The following SEMA4G variants were observed in gnomAD, a reference collection of about 807,000 sequenced individuals.
SEMA4G encodes the protein semaphorin-4G.
In SEMA4G, 59 loss-of-function variants were observed where a neutral mutation model predicts 81.2. The ratio of observed to expected loss-of-function variants is 0.73; its 90% CI spans 0.59 to 0.90. The LOEUF is 0.90. Ranked by LOEUF, SEMA4G falls within the 40% of genes least tolerant of loss-of-function variation. The pLI is 0.00. For synonymous variants in SEMA4G, 404 were observed against 433.9 expected (o/e 0.93, Z 0.86); for missense variants, 952 against 1,102.3 (o/e 0.86, Z 1.93).
At chr10:100,969,616 G>A, upstream of SEMA4G, 1 of 294,280 alleles carries the variant, frequency 3.4e-6, no homozygotes, top group East Asian at 1.1e-4. Flanking sequence ...GAGTGCGGGC[G>A]GCGCCCTGGC....
chr10:100,984,594 C>G, exon 14 of SEMA4G: 1 of 1,536,208 alleles, frequency 6.5e-7, no homozygotes, highest in East Asian at 2.4e-5. Context: ...GCCACCTAAG[C>G]CCTGCGTACA....
rs1297589742 is a variant in SEMA4G, at chr10:100,973,373, C to A, written c.273+96C>A. 2 of 1,505,420 alleles carry A rather than the reference C, an allele frequency of 1.3e-6. No individual in the cohort carries two copies. Among genetic ancestry groups the A allele is most frequent in the Non-Finnish European group, 1.8e-6 (2 of 1,105,684 alleles). 93.3% of individuals were successfully genotyped at this position (1,505,420 alleles called of 1,614,324 possible). A position where few individuals can be genotyped will look rare whatever the true frequency, so the allele number is the denominator to read the frequency against. Reference sequence around the variant, plus strand: ...TTAAAACCCTGCCAGCCTTCCATAGCCCCCTGGTCAGACAGCACTGCCCTT... The same window carrying A: ...TTAAAACCCTGCCAGCCTTCCATAGACCCCTGGTCAGACAGCACTGCCCTT... On this transcript the variant is annotated intron_variant, in intron 2 of 13. Transcript: ENST00000370250. This position sits in a 1 kb window ranked among gnomAD's most constrained non-coding sequence, Gnocchi z 5.5.
At chr10:100,978,755 T>C in intron 6 of SEMA4G, 94 bp from the exon 8 acceptor site, 1 of 1,563,756 alleles carries the variant, frequency 6.4e-7, no homozygotes, top group South Asian at 1.2e-5. Flanking sequence ...GTCCATTCCA[T>C]TCCTGTGTGT....
Position 100,973,897 on chromosome 10 carries a change from G to A in SEMA4G, c.336+288G>A, listed in dbSNP as rs1398337325. Among the ~76,000 whole-genome samples, 1 of 151,924 alleles carries A rather than the reference G, an allele frequency of 6.6e-6. No individual in the cohort carries two copies. The highest frequency in any genetic ancestry group is 2.4e-5 in the African/African-American group (1 of 41,362). ...GGGCTCAGGGGATCCTTCCACTTCA[G>A]CCTCCTGAGTAGCTAGGACCACGGG... On this transcript the variant is annotated intron_variant, in intron 3 of 13. Coordinates refer to ENST00000370250, the Ensembl canonical transcript of SEMA4G. The surrounding 1 kb of genome is among the most constrained non-coding windows in gnomAD (Gnocchi z 5.5).
At chr10:100,979,384 G>T (rs370502931) in intron 8 of SEMA4G, 113 bp downstream of exon 9, 2 of 1,585,208 alleles carry the variant, frequency 1.3e-6, no homozygotes, top group African/African-American at 1.4e-5. Flanking sequence ...TGCAAAGTGA[G>T]AATTTTTTTT....
At chr10:100,977,723 C>T in exon 4 of SEMA4G, 1 of 1,613,124 alleles carries the variant, frequency 6.2e-7, no homozygotes, top group South Asian at 1.1e-5. Flanking sequence ...CCCCTCTGTG[C>T]AGCCATTGTG....
At chr10:100,979,111 G>A in exon 8 of SEMA4G, 1 of 1,614,114 alleles carries the variant, frequency 6.2e-7, no homozygotes, top group South Asian at 1.1e-5. Context: ...GGGAGACCTG[G>A]GAGGGAAGAA....
Position 100,982,628 on chromosome 10 carries a change from C to T in SEMA4G, c.1691-677C>T, listed in dbSNP as rs111610808. ...CCAACATGGTGAAACCCTGTCTCTACTAAAAATACAAAAACTAGCTGGGCA... is the reference window on the plus strand; with the variant it reads ...CCAACATGGTGAAACCCTGTCTCTATTAAAAATACAAAAACTAGCTGGGCA... On this transcript the variant is annotated intron_variant, in intron 13 of 13. Coordinates refer to ENST00000370250, the Ensembl canonical transcript of SEMA4G. 4.2e-3 allele frequency among the ~76,000 whole-genome samples: 635 copies of T among 152,282 alleles called. 1 individual carries two copies. The highest frequency in any genetic ancestry group is 6.6e-3 in the Admixed American group (101 of 15,290).
chr10:100,977,765 A>G (rs199543234), intron 4 of SEMA4G, 35 bp downstream of exon 5: 4 of 1,511,960 alleles, frequency 2.6e-6, no homozygotes, highest in Non-Finnish European at 3.7e-6. Flanking sequence ...ATCTCTGTTG[A>G]CTTCATTAGG....
intron 3 of SEMA4G, among the ~76,000 whole-genome samples, chr10:100,976,596 T>C (rs1341069471): frequency 6.6e-6 from 1 of 152,198 alleles, no homozygotes. Context: ...AGTGCTGGGA[T>C]TACAGGTGTG....
chr10:100,975,755 C>T (rs978672008), intron 3 of SEMA4G, among the ~76,000 whole-genome samples: 1 of 152,098 alleles, frequency 6.6e-6, no homozygotes, highest in Non-Finnish European at 1.5e-5. Flanking sequence ...GTCCCAGTCA[C>T]ATCACCATGG....
chr10:100,983,639 G>A (rs1448113201), exon 14 of SEMA4G: 10 of 1,613,786 alleles, frequency 6.2e-6, no homozygotes, highest in Non-Finnish European at 7.6e-6. Context: ...ATGTGAGACT[G>A]CTCTATGTGC....
exon 14 of SEMA4G, chr10:100,984,576 C>T (rs1250348904): frequency 1.3e-6 from 2 of 1,536,202 alleles, no homozygotes; most frequent in East Asian, 4.9e-5. Flanking sequence ...CAGACAAGAC[C>T]TCTGCCAGCC....
chr10:100,976,143 T>C (rs1419411078), intron 3 of SEMA4G, among the ~76,000 whole-genome samples: 4 of 152,002 alleles, frequency 2.6e-5, no homozygotes, highest in Non-Finnish European at 2.9e-5. Context: ...GAGGCCTGTA[T>C]GGATTTAAAC....
In SEMA4G at chr10:100,973,775, ATTT is replaced by A. The variant is rs200303442; in HGVS notation, c.336+177_336+179del. On this transcript the variant is annotated intron_variant, in intron 3 of 13. Transcript: ENST00000370250. The surrounding 1 kb of genome is among the most constrained non-coding windows in gnomAD (Gnocchi z 5.5). The stretch of plus-strand genomic sequence containing the variant: ...CAGAGTGGCAAGCCATGGGCACAGC[ATTT>A]TTTTTTTTTTCTTTTTTTGAGGTCG... Among the ~76,000 whole-genome samples the A allele has an allele frequency of 1.4e-5, 2 of 145,558 alleles. No individual in the cohort carries two copies. Among genetic ancestry groups the A allele is most frequent in the Non-Finnish European group, 3.0e-5 (2 of 65,900 alleles).
upstream of SEMA4G, among the ~76,000 whole-genome samples, chr10:100,972,250 C>T (rs1850655548): frequency 6.6e-6 from 1 of 152,114 alleles, no homozygotes; most frequent in South Asian, 2.1e-4. Context: ...GCTCCTTTGA[C>T]TTGAGGGCCT....
upstream of SEMA4G, among the ~76,000 whole-genome samples, chr10:100,971,465 C>T (rs969030282): frequency 1.3e-5 from 2 of 152,208 alleles, no homozygotes; most frequent in Non-Finnish European, 2.9e-5. Flanking sequence ...GGGCTCTGCC[C>T]CTGCAGTGCT....
intron 3 of SEMA4G, among the ~76,000 whole-genome samples, 195 bp from the exon 5 acceptor site, chr10:100,977,437 T>C (rs1315913748): frequency 1.1e-4 from 16 of 151,792 alleles, no homozygotes; most frequent in Admixed American, 1.1e-3. Flanking sequence ...AGGAGAGAAA[T>C]AGGGTCATGT....
chr10:100,977,542 G>T (rs1485952411), intron 3 of SEMA4G, 90 bp from the exon 5 acceptor site: 4 of 954,912 alleles, frequency 4.2e-6, no homozygotes, highest in Non-Finnish European at 6.8e-6. Context: ...TCCTGTGGGT[G>T]GGGGCAAGAG....
Sources: gnomAD v4.1 joint callset for allele counts (sites outside exome capture counted in the v4.1 genomes callset) on GRCh38, gnomAD v4.1.1 for gene constraint, Gnocchi (gnomAD v3.1) non-coding constraint, MANE v1.5 for transcripts, NCBI Gene and HGNC (gene_info 2026-07-23, HGNC 2026-07-21) for gene names.